The following KYNU variants were observed in gnomAD, a reference collection of about 807,000 sequenced individuals.
KYNU encodes the protein kynureninase, also known as L-kynurenine hydrolase.
In KYNU, 54 loss-of-function variants were observed where a neutral mutation model predicts 59.2. That is an observed-to-expected ratio of 0.91 (90% CI 0.73 to 1.14). KYNU has a LOEUF of 1.14. Ranked by LOEUF, KYNU falls within the 50% of genes most tolerant of loss-of-function variation. KYNU has a pLI of 0.00. For synonymous variants in KYNU, 177 were observed against 192.0 expected, an observed-to-expected ratio of 0.92 and a Z score of 0.65; for missense variants, 567 against 554.4, an observed-to-expected ratio of 1.02 and a Z score of -0.23.
At chr2:143,035,690 C>A (rs1367739334) in intron 12 of KYNU, among the ~76,000 whole-genome samples, 2 of 152,206 alleles carry the variant, frequency 1.3e-5, no homozygotes, top group African/African-American at 4.8e-5. Context: ...TCCTGGGGTT[C>A]AAGTGATCCT....
At chr2:142,911,284 G>A (rs927553531) in intron 2 of KYNU, among the ~76,000 whole-genome samples, 4 of 152,036 alleles carry the variant, frequency 2.6e-5, no homozygotes, top group Admixed American at 6.6e-5. Flanking sequence ...CACCTCCTTG[G>A]TTAGATGTAT....
rs6704916 is a variant in KYNU at position 142,970,693 on chromosome 2, G to A, written c.729+9923G>A. On this transcript the variant is annotated intron_variant, in intron 8 of 13. Transcript: ENST00000264170. ...CATGTTTTGCCTACTTGAATTTCCT[G>A]CATCGTGTTTCTCCCACAGGATGAC... 6.5e-3 allele frequency among the ~76,000 whole-genome samples: 987 copies of A among 152,216 alleles called. 14 individuals carry two copies. The highest frequency in any genetic ancestry group is 0.022 in the African/African-American group (922 of 41,552).
At chr2:142,906,992 T>A (rs1348093674) in intron 2 of KYNU, among the ~76,000 whole-genome samples, 2 of 152,160 alleles carry the variant, frequency 1.3e-5, no homozygotes, top group African/African-American at 4.8e-5. Flanking sequence ...CCGGTGGCCA[T>A]GCTAATCGTT....
rs769524086 is a variant in KYNU, at chr2:143,040,588, G to A, written c.1202G>A (p.Cys401Tyr). ...CCGTCTCATGTAGAGGAGCGGGGGT[G>A]CCAGCTAACAATAACATTTTCTGTT... ...ITPSHVEERG[C>Y]QLTITFSVPN... Residue 401 changes from cysteine (C) to tyrosine (Y), a missense_variant, in exon 13 of 14, where the codon TGC becomes TAC. Coordinates refer to ENST00000264170, the MANE Select transcript of KYNU (RefSeq NM_003937.3). 1.2e-6 allele frequency: 2 copies of A among 1,612,208 alleles called. No homozygotes were observed. The highest frequency in any genetic ancestry group is 2.2e-5 in the South Asian group (2 of 90,830).
chr2:143,053,541 C>G lies in KYNU; in HGVS notation c.*11369C>G, dbSNP rs1687303185. The G allele has an allele frequency of 6.6e-6, 1 of 152,074 alleles. No individual in the cohort carries two copies. Among genetic ancestry groups the G allele is most frequent in the East Asian group, 1.9e-4 (1 of 5,186 alleles). The allele number at this position is 152,074 out of a possible 1,614,324, so 9.4% of individuals were successfully genotyped here. ...AATTTCTATGTGTTTGGAGAGGTAC[C>G]CGGTGGGAGGTAATTGAATCATGAG... is the stretch of plus-strand genomic sequence containing the variant. On this transcript the variant is annotated 3_prime_UTR_variant, in exon 14 of 14. Coordinates refer to ENST00000264170, the MANE Select transcript of KYNU (RefSeq NM_003937.3).
intron 10 of KYNU, among the ~76,000 whole-genome samples, chr2:143,004,706 TA>T (rs1685818119): frequency 6.6e-6 from 1 of 152,048 alleles, no homozygotes; most frequent in Non-Finnish European, 1.5e-5. Context: ...GTCTCAAAAA[TA>T]AAAATAAAGG....
intron 4 of KYNU, among the ~76,000 whole-genome samples, chr2:142,940,067 G>A (rs1443014999): frequency 2.0e-5 from 3 of 152,242 alleles, no homozygotes; most frequent in African/African-American, 7.2e-5. Flanking sequence ...TTCTGATGGA[G>A]AGAATTCTCT....
intron 1 of KYNU, among the ~76,000 whole-genome samples, chr2:142,880,270 T>G (rs7586571): frequency 0.16 from 24,545 of 152,124 alleles, 3,210 homozygotes; most frequent in African/African-American, 0.34. Context: ...ACTAATCTGA[T>G]AGTAAGGCAG....
intron 2 of KYNU, among the ~76,000 whole-genome samples, chr2:142,896,841 A>G (rs1478255113): frequency 6.6e-6 from 1 of 152,210 alleles, no homozygotes. Context: ...CAATGATATG[A>G]AAATATTTTC....
In KYNU at chr2:142,926,305, G is replaced by C. The variant is rs182013007; in HGVS notation, c.291-1354G>C. Among the ~76,000 whole-genome samples, 4 of 152,064 alleles carry C rather than the reference G, an allele frequency of 2.6e-5. No individual in the cohort carries two copies. The East Asian group carries it at 7.7e-4, about 29-fold the overall frequency. Reference sequence around the variant, plus strand: ...AAAAAAAAAGTCAGAGGAATATATAGCAGGCTCAAATATTTATCTTTTTAA... The same window carrying C: ...AAAAAAAAAGTCAGAGGAATATATACCAGGCTCAAATATTTATCTTTTTAA... On this transcript the variant is annotated intron_variant, in intron 3 of 13. Transcript: ENST00000264170.
At chr2:143,007,073 C>T (rs1468035160) in intron 10 of KYNU, among the ~76,000 whole-genome samples, 2 of 152,100 alleles carry the variant, frequency 1.3e-5, no homozygotes, top group Non-Finnish European at 2.9e-5. Context: ...CTTTGACGAG[C>T]TGAGAGAAGA....
At chr2:142,969,353 A>G (rs1484563069) in intron 8 of KYNU, among the ~76,000 whole-genome samples, 1 of 152,224 alleles carries the variant, frequency 6.6e-6, no homozygotes, top group Non-Finnish European at 1.5e-5. Context: ...GGAAAATGAC[A>G]TAAAGCTTAG....
intron 2 of KYNU, among the ~76,000 whole-genome samples, chr2:142,904,021 C>T (rs746783152): frequency 5.3e-5 from 8 of 152,132 alleles, no homozygotes; most frequent in Non-Finnish European, 1.2e-4. Context: ...TATAAAAAAC[C>T]GAGGTTGCCA....
chr2:142,953,208 G>A (rs922399098), intron 4 of KYNU, among the ~76,000 whole-genome samples: 1 of 152,162 alleles, frequency 6.6e-6, no homozygotes, highest in Non-Finnish European at 1.5e-5. Flanking sequence ...AACAAGATTA[G>A]ATAGTGAATC....
intron 10 of KYNU, among the ~76,000 whole-genome samples, chr2:143,026,853 CCA>C (rs1303414808): frequency 1.3e-5 from 2 of 152,204 alleles, no homozygotes; most frequent in Non-Finnish European, 2.9e-5. Flanking sequence ...AGTGTGACAG[CCA>C]GACTCTTCTC....
At chr2:142,910,547 T>G (rs1389749986) in intron 2 of KYNU, among the ~76,000 whole-genome samples, 1 of 152,190 alleles carries the variant, frequency 6.6e-6, no homozygotes, top group Non-Finnish European at 1.5e-5. Context: ...GCTGATAGTT[T>G]CTTTTGCTGT....
At chr2:142,937,196 AC>A (rs371095023) in intron 4 of KYNU, among the ~76,000 whole-genome samples, 85 of 152,138 alleles carry the variant, frequency 5.6e-4, no homozygotes, top group African/African-American at 2.0e-3. Flanking sequence ...TTGCTGGTGT[AC>A]CCTGCTGATA....
intron 2 of KYNU, among the ~76,000 whole-genome samples, chr2:142,896,134 G>A (rs186946944): frequency 1.2e-4 from 18 of 152,244 alleles, no homozygotes; most frequent in African/African-American, 2.2e-4. Context: ...TTGTCAAGTC[G>A]TTTTAGAATG....
chr2:142,975,592 C>T (rs1684859540), intron 8 of KYNU, among the ~76,000 whole-genome samples: 1 of 152,160 alleles, frequency 6.6e-6, no homozygotes, highest in South Asian at 2.1e-4. Context: ...AGCCCAAAAG[C>T]ATTCACCCTG....
Sources: gnomAD v4.1 joint callset for allele counts (sites outside exome capture counted in the v4.1 genomes callset) on GRCh38, gnomAD v4.1.1 for gene constraint, MANE v1.5 for transcripts, NCBI Gene and HGNC (gene_info 2026-07-23, HGNC 2026-07-21) for gene names.